The following CSPP1 variants were observed in gnomAD, a reference collection of about 807,000 sequenced individuals.
The protein encoded by CSPP1 is centrosome and spindle pole-associated protein 1.
CSPP1 carries 126 observed loss-of-function variants against 164.4 expected under a neutral mutation model. The ratio of observed to expected loss-of-function variants is 0.77; its 90% CI spans 0.66 to 0.89. The LOEUF (loss-of-function observed/expected upper bound fraction) is 0.89, where lower values mean the gene tolerates loss of function less well. Ranked by LOEUF, CSPP1 falls within the 40% of genes least tolerant of loss-of-function variation. The probability of loss-of-function intolerance (pLI) is 0.00; values close to 1 mark genes in which losing one functional copy is unlikely to be tolerated. For synonymous variants in CSPP1, 472 were observed against 476.7 expected, an observed-to-expected ratio of 0.99 and a Z score of 0.13; for missense variants, 1,395 against 1,449.8, an observed-to-expected ratio of 0.96 and a Z score of 0.61.
intron 4 of CSPP1, chr8:67,086,888 C>G: frequency 4.3e-6 from 4 of 928,308 alleles, no homozygotes; most frequent in South Asian, 3.0e-5. Context: ...TTTTTTCTTT[C>G]TTTTTTTTTT....
At chr8:67,071,372 C>T (rs1806736136) in intron 1 of CSPP1, among the ~76,000 whole-genome samples, 1 of 147,948 alleles carries the variant, frequency 6.8e-6, no homozygotes, top group African/African-American at 2.6e-5. Flanking sequence ...ATTATTCCCT[C>T]TGTTTTTTTT....
At chr8:67,175,097 C>T in intron 25 of CSPP1, 199 bp from the exon 26 acceptor site, 1 of 544,356 alleles carries the variant, frequency 1.8e-6, no homozygotes, top group Non-Finnish European at 3.3e-6. Context: ...TGTGAAAAGA[C>T]ACTTATTAAA....
intron 8 of CSPP1, among the ~76,000 whole-genome samples, chr8:67,105,457 T>G (rs962733345): frequency 8.5e-5 from 13 of 152,176 alleles, no homozygotes; most frequent in Non-Finnish European, 1.9e-4. Context: ...CTTGGCTCAT[T>G]GCAACCTCTG....
chr8:67,184,822 G>A (rs893111684), intron 28 of CSPP1, among the ~76,000 whole-genome samples: 1 of 149,494 alleles, frequency 6.7e-6, no homozygotes, highest in African/African-American at 2.4e-5. Flanking sequence ...ACAGTCGGCC[G>A]GGCACGGTGG....
chr8:67,090,725 C>G (rs1233267652), intron 4 of CSPP1, among the ~76,000 whole-genome samples: 1 of 152,176 alleles, frequency 6.6e-6, no homozygotes, highest in Non-Finnish European at 1.5e-5. Context: ...AATTGTAAAT[C>G]CCTTGAATAT....
chr8:67,168,735 A>G (rs777221204), intron 24 of CSPP1, among the ~76,000 whole-genome samples: 2 of 152,212 alleles, frequency 1.3e-5, no homozygotes, highest in Non-Finnish European at 2.9e-5. Context: ...TCTTGTATTC[A>G]CTAAATAATT....
intron 4 of CSPP1, chr8:67,086,375 T>A: frequency 2.2e-6 from 1 of 463,332 alleles, no homozygotes; most frequent in South Asian, 2.0e-5. Flanking sequence ...TAATTATGGT[T>A]TTTCATGTTT....
In CSPP1 at chr8:67,158,575, G is replaced by T. The variant is rs190028385; in HGVS notation, c.2370G>T (p.Lys790Asn). The T allele has an allele frequency of 3.7e-6, 6 of 1,601,592 alleles. No homozygotes were observed. The Admixed American group carries it at 6.9e-5, about 18-fold the overall frequency. ...IQQEYEEEQEKKREKEEEQRL... is the reference protein window; with the variant it reads ...IQQEYEEEQENKREKEEEQRL... ...AGGAGTATGAAGAGGAACAGGAAAA[G>T]AAAAGAGAGAAAGAGGAGGAGGTAC... The change falls in exon 20 of 31, where the codon AAG (lysine) becomes AAT (asparagine). Residue 790 changes from lysine to asparagine, a missense_variant. Physicochemically the swap from Lys to Asn is moderately conservative, Grantham distance 94. Coordinates refer to ENST00000678616, the MANE Select transcript of CSPP1 (RefSeq NM_001382391.1).
At chr8:67,168,416 A>G (rs112139538) in intron 24 of CSPP1, among the ~76,000 whole-genome samples, 5,658 of 152,234 alleles carry the variant, frequency 0.037, 218 homozygotes, top group African/African-American at 0.087. Flanking sequence ...TGGCAAGCCA[A>G]TATGATTTAA....
intron 27 of CSPP1, among the ~76,000 whole-genome samples, chr8:67,178,544 G>T (rs952828634): frequency 5.3e-5 from 8 of 152,196 alleles, no homozygotes; most frequent in Admixed American, 3.3e-4. Flanking sequence ...TGGTGCTGTG[G>T]AGAAGACAAC....
intron 19 of CSPP1, chr8:67,157,745 A>G (rs550128046): frequency 2.1e-4 from 32 of 152,346 alleles, no homozygotes; most frequent in African/African-American, 7.5e-4. Flanking sequence ...TCCCTGCCTC[A>G]TTCATCGGGC....
At chr8:67,144,743 C>T (rs1824157087) in intron 17 of CSPP1, among the ~76,000 whole-genome samples, 1 of 152,114 alleles carries the variant, frequency 6.6e-6, no homozygotes, top group Non-Finnish European at 1.5e-5. Context: ...GCCACATCGC[C>T]TAGCTGGGAA....
Position 67,089,001 on chromosome 8 carries a change from G to T in CSPP1, c.304-2802G>T, listed in dbSNP as rs559376066. Among the ~76,000 whole-genome samples, 11 of 152,084 alleles carry T rather than the reference G, an allele frequency of 7.2e-5. No homozygotes were observed. In the East Asian group the frequency reaches 2.1e-3, roughly 29 times the overall value. On this transcript the variant is annotated intron_variant, in intron 4 of 30. Coordinates refer to ENST00000678616, the MANE Select transcript of CSPP1 (RefSeq NM_001382391.1). ...TGAGAAGGTGGGACTGGAAGGGAAA[G>T]CAAGAGAAAAAGAAAACTACACAGA...
At position 67,089,932 on chromosome 8, in the gene CSPP1, A is replaced by G. The variant is rs561839240; in HGVS notation, c.304-1871A>G. On this transcript the variant is annotated intron_variant, in intron 4 of 30. Transcript: ENST00000678616. ...GCCTCCCAAAGTGCTGGGATTACAG[A>G]CATGAGCCACCACTCCCTGCCTATG... Among the ~76,000 whole-genome samples, 12 of 151,510 alleles carry G rather than the reference A, an allele frequency of 7.9e-5. 1 individual carries two copies. Among genetic ancestry groups the G allele is most frequent in the African/African-American group, 2.4e-4 (10 of 41,310 alleles).
chr8:67,182,533 T>A (rs993077170), intron 28 of CSPP1, among the ~76,000 whole-genome samples: 2 of 152,234 alleles, frequency 1.3e-5, no homozygotes, highest in Non-Finnish European at 2.9e-5. Flanking sequence ...ATATAGTAAT[T>A]CTATTTTTAA....
At chr8:67,129,674 C>T (rs1269591556) in intron 15 of CSPP1, among the ~76,000 whole-genome samples, 1 of 152,066 alleles carries the variant, frequency 6.6e-6, no homozygotes, top group Non-Finnish European at 1.5e-5. Context: ...AAGTACTACT[C>T]AGCAATAAAA....
chr8:67,108,876 CT>C (rs1159940586), intron 9 of CSPP1, among the ~76,000 whole-genome samples: 4 of 152,162 alleles, frequency 2.6e-5, no homozygotes, highest in African/African-American at 9.7e-5. Context: ...TGGGTCCAAG[CT>C]GATTTTCTGT....
chr8:67,085,633 G>A (rs1457664101), intron 3 of CSPP1, among the ~76,000 whole-genome samples: 4 of 152,050 alleles, frequency 2.6e-5, no homozygotes, highest in African/African-American at 9.6e-5. Context: ...AACAATGCTG[G>A]ACTACTTGTC....
intron 30 of CSPP1, among the ~76,000 whole-genome samples, 191 bp downstream of exon 30, chr8:67,193,793 A>G (rs531172553): frequency 6.6e-5 from 10 of 152,350 alleles, no homozygotes; most frequent in Admixed American, 2.0e-4. Flanking sequence ...GATTTTCTCT[A>G]TCAGAGAGGG....
Sources: gnomAD v4.1 joint callset for allele counts (sites outside exome capture counted in the v4.1 genomes callset) on GRCh38, gnomAD v4.1.1 for gene constraint, MANE v1.5 for transcripts, NCBI Gene and HGNC (gene_info 2026-07-23, HGNC 2026-07-21) for gene names.